BTBD1: variants seen among roughly 807,000 people sequenced by gnomAD.
The protein encoded by BTBD1 is BTB/POZ domain-containing protein 1.
BTBD1 carries 34 observed loss-of-function variants against 48.0 expected under a neutral mutation model. That is an observed-to-expected ratio of 0.71 (90% CI 0.54 to 0.94). BTBD1 has a LOEUF of 0.94. Among genes scored for constraint, BTBD1 ranks in the 40% least tolerant of loss-of-function variants. The pLI is 0.00. For missense variants in BTBD1, 543 were observed against 625.6 expected (o/e 0.87, Z 1.41); for synonymous variants, 261 against 242.1 (o/e 1.08, Z -0.72).
chr15:83,054,675 C>T (rs1437526448), intron 2 of BTBD1, among the ~76,000 whole-genome samples: 4 of 151,442 alleles, frequency 2.6e-5, no homozygotes, highest in Non-Finnish European at 4.4e-5. Flanking sequence ...GATTCTCCTG[C>T]CTCAGCCTCC....
At chr15:83,026,969 C>CGCGTGT (rs112031664) in intron 5 of BTBD1, among the ~76,000 whole-genome samples, 2 of 150,162 alleles carry the variant, frequency 1.3e-5, no homozygotes, top group African/African-American at 4.9e-5. Flanking sequence ...AGGGGAAATA[C>CGCGTGT]GTGTGTGTGT....
intron 3 of BTBD1, chr15:83,044,354 C>T (rs1017818204): frequency 8.8e-6 from 13 of 1,479,582 alleles, no homozygotes; most frequent in East Asian, 4.9e-5. Context: ...CATGCCCGCC[C>T]GCCCGTGCCC....
chr15:83,060,661 G>A (rs2033161946), intron 1 of BTBD1, among the ~76,000 whole-genome samples: 1 of 152,124 alleles, frequency 6.6e-6, no homozygotes, highest in Non-Finnish European at 1.5e-5. Flanking sequence ...AGGCGTGGTG[G>A]CACACACCTG....
intron 1 of BTBD1, among the ~76,000 whole-genome samples, chr15:83,063,391 T>C (rs370371899): frequency 6.6e-6 from 1 of 152,218 alleles, no homozygotes; most frequent in African/African-American, 2.4e-5. Context: ...CTTGGATGTC[T>C]TGGAAGTCCT....
intron 3 of BTBD1, among the ~76,000 whole-genome samples, chr15:83,042,449 T>G (rs1356486996): frequency 6.7e-6 from 1 of 150,086 alleles, no homozygotes; most frequent in African/African-American, 2.5e-5. Flanking sequence ...AGAGGCACAA[T>G]CTCGGCTCAA....
Position 83,018,036 on chromosome 15 carries a change from T to C in BTBD1, c.*31A>G, listed in dbSNP as rs1390399530. On this transcript the variant is annotated 3_prime_UTR_variant, in exon 8 of 8. Transcript: ENST00000261721. ...GTTTTTGACACTAGATTGTATGGTA[T>C]TATTTAGCCAAGATGTATTATAATG... The C allele has an allele frequency of 2.0e-6, 3 of 1,502,056 alleles. No homozygotes were observed. Among genetic ancestry groups the C allele is most frequent in the African/African-American group, 2.8e-5 (2 of 71,946 alleles). 93.0% of individuals were successfully genotyped at this position (1,502,056 alleles called of 1,614,324 possible).
chr15:83,050,430 T>TTGTGTG (rs71927319), intron 2 of BTBD1, among the ~76,000 whole-genome samples: 6,188 of 146,196 alleles, frequency 0.042, 224 homozygotes, highest in African/African-American at 0.096. Context: ...TTTTATGTGC[T>TTGTGTG]TGTGTGTGTG....
In BTBD1 at chr15:83,059,267, C is replaced by T. The variant is rs559742214; in HGVS notation, c.402-2722G>A. ...CTCAGATAATTAAAACAAAGTTGGC[C>T]GGGCATGGTGGCTCACGCCTGTAAT... On this transcript the variant is annotated intron_variant, in intron 1 of 7. Coordinates refer to ENST00000261721, the MANE Select transcript of BTBD1 (RefSeq NM_025238.4). Among the ~76,000 whole-genome samples the T allele has an allele frequency of 4.6e-5, 7 of 152,202 alleles. No homozygotes were observed. In the South Asian group the frequency reaches 6.2e-4, roughly 14 times the overall value.
At chr15:83,049,940 A>G (rs1355189435) in intron 3 of BTBD1, 133 bp downstream of exon 3, 1 of 519,592 alleles carries the variant, frequency 1.9e-6, no homozygotes, top group Non-Finnish European at 3.4e-6. Context: ...AACAAAAAAA[A>G]GCAAAACTCT....
intron 2 of BTBD1, among the ~76,000 whole-genome samples, chr15:83,054,077 G>T (rs1463528936): frequency 6.6e-6 from 1 of 151,482 alleles, no homozygotes; most frequent in African/African-American, 2.4e-5. Context: ...GGTGGCTCAC[G>T]CCTATAATCC....
intron 1 of BTBD1, among the ~76,000 whole-genome samples, chr15:83,065,564 C>A (rs2033252351): frequency 6.6e-6 from 1 of 152,178 alleles, no homozygotes; most frequent in African/African-American, 2.4e-5. Flanking sequence ...CCTGTTTTTG[C>A]TTCAGTACTA....
rs1196923181 is a variant in BTBD1 at position 83,056,528 on chromosome 15, T to G, written c.419A>C (p.Glu140Ala). The G allele has an allele frequency of 6.2e-7, 1 of 1,613,606 alleles. No individual in the cohort carries two copies. ...AACTGTTTCTGGACCAATTTGAACT[T>G]CATCTGAATATAGAAATCTGGAAAA... The part of the protein sequence containing the change: ...LALLRFLYSD[E>A]VQIGPETVMT... Residue 140 changes from glutamate (E) to alanine (A), a missense_variant, in exon 2 of 8, where the codon GAA becomes GCA. Coordinates refer to ENST00000261721, the MANE Select transcript of BTBD1 (RefSeq NM_025238.4).
intron 3 of BTBD1, among the ~76,000 whole-genome samples, chr15:83,046,003 CA>C (rs1483622428): frequency 6.6e-6 from 1 of 152,128 alleles, no homozygotes; most frequent in Non-Finnish European, 1.5e-5. Context: ...AACACATATT[CA>C]AATCCCGGAG....
chr15:83,045,487 A>G (rs535714830), intron 3 of BTBD1, among the ~76,000 whole-genome samples: 1 of 152,162 alleles, frequency 6.6e-6, no homozygotes, highest in African/African-American at 2.4e-5. Flanking sequence ...GACAAGAGCA[A>G]AACTCTGCCT....
chr15:83,021,445 A>C (rs1384899705), intron 5 of BTBD1, among the ~76,000 whole-genome samples: 4 of 152,138 alleles, frequency 2.6e-5, no homozygotes. Flanking sequence ...AATGAATAAA[A>C]ACTGACATTA....
chr15:83,034,806 C>CAGT (rs1243540256), intron 4 of BTBD1, among the ~76,000 whole-genome samples: 2 of 152,144 alleles, frequency 1.3e-5, no homozygotes, highest in Non-Finnish European at 2.9e-5. Flanking sequence ...AGATTTAAAT[C>CAGT]TACTTCTTTT....
intron 1 of BTBD1, among the ~76,000 whole-genome samples, chr15:83,060,567 G>A (rs2033160377): frequency 6.6e-6 from 1 of 152,112 alleles, no homozygotes; most frequent in Non-Finnish European, 1.5e-5. Flanking sequence ...GCCGAGGCAG[G>A]CGGATCACCT....
chr15:83,023,386 A>AT (rs1292186038), intron 5 of BTBD1, among the ~76,000 whole-genome samples: 1 of 151,862 alleles, frequency 6.6e-6, no homozygotes. Flanking sequence ...AAAAATTTTT[A>AT]TTTTTTTTAT....
intron 3 of BTBD1, among the ~76,000 whole-genome samples, chr15:83,047,828 A>G (rs1199310593): frequency 6.6e-6 from 1 of 152,206 alleles, no homozygotes; most frequent in African/African-American, 2.4e-5. Flanking sequence ...TGACAAATAC[A>G]AGGCCTGACT....
Sources: allele counts gnomAD v4.1 joint callset (sites outside exome capture counted in the v4.1 genomes callset), GRCh38; gene constraint gnomAD v4.1.1; transcripts MANE v1.5; gene names NCBI Gene and HGNC (gene_info 2026-07-23, HGNC 2026-07-21).